The following PTCHD1 variants were observed in gnomAD, a reference collection of about 807,000 sequenced individuals.
PTCHD1 encodes patched domain containing 1.
A neutral mutation model predicts 34.6 loss-of-function variants in PTCHD1; 3 were observed. The observed-to-expected ratio is 0.09, with a 90% CI of 0.04 to 0.22. The LOEUF (loss-of-function observed/expected upper bound fraction) is 0.22. Among genes scored for constraint, PTCHD1 ranks in the 10% least tolerant of loss-of-function variants. The pLI is 1.00. For synonymous variants in PTCHD1, 305 were observed against 283.1 expected (o/e 1.08, Z -0.77); for missense variants, 504 against 685.5 (o/e 0.74, Z 2.96).
Position 23,403,900 on chromosome X carries a change from C to G in PTCHD1, c.*9715C>G, listed in dbSNP as rs1439147885. 1 of 111,556 alleles carries G rather than the reference C, an allele frequency of 9.0e-6. No individual in the cohort carries two copies. The highest frequency in any genetic ancestry group is 1.9e-5 in the Non-Finnish European group (1 of 53,074). The allele number at this position is 111,556 out of a possible 1,213,427, so 9.2% of individuals were successfully genotyped here. A position where few individuals can be genotyped will look rare whatever the true frequency, so the allele number is the denominator to read the frequency against. ...CCAACTCTTTCAGGAAAAAAAAAAT[C>G]CGGTATTTTGTACTACTTGAGTTTC... On this transcript the variant is annotated 3_prime_UTR_variant, in exon 3 of 3. Coordinates refer to ENST00000379361, the MANE Select transcript of PTCHD1 (RefSeq NM_173495.3).
chrX:23,359,324 T>C (rs751130936), intron 1 of PTCHD1, among the ~76,000 whole-genome samples: 2 of 112,306 alleles, frequency 1.8e-5, no homozygotes, highest in East Asian at 2.8e-4. Context: ...TTTATTTCAT[T>C]GAGCAGTGGT....
At chrX:23,381,574 C>T (rs1284749553) in intron 2 of PTCHD1, among the ~76,000 whole-genome samples, 1 of 111,795 alleles carries the variant, frequency 8.9e-6, no homozygotes, top group Admixed American at 9.4e-5. Flanking sequence ...TGTGAGCACA[C>T]GATAAGCGGG....
At position 23,362,519 on chromosome X, in the gene PTCHD1, C is replaced by G. The variant is rs1016265356; in HGVS notation, c.352-17072C>G. On this transcript the variant is annotated intron_variant, in intron 1 of 2. Coordinates refer to ENST00000379361, the MANE Select transcript of PTCHD1 (RefSeq NM_173495.3). ...CTCTACACTGTTTATTCTAGTTAAC[C>G]ATTCATCTAATCTTTTTTCAATGTT... Among the ~76,000 whole-genome samples, 3 of 111,968 alleles carry G rather than the reference C, an allele frequency of 2.7e-5. No homozygotes were observed. In the East Asian group the frequency reaches 8.4e-4, roughly 31 times the overall value.
At chrX:23,387,567 C>A (rs1480077853) in intron 2 of PTCHD1, among the ~76,000 whole-genome samples, 1 of 111,877 alleles carries the variant, frequency 8.9e-6, no homozygotes, top group African/African-American at 3.2e-5. Flanking sequence ...CCAAAGTGTA[C>A]TGCAAATAAA....
intron 1 of PTCHD1, among the ~76,000 whole-genome samples, chrX:23,365,350 G>A (rs749836850): frequency 9.0e-6 from 1 of 111,434 alleles, no homozygotes; most frequent in African/African-American, 3.3e-5. Context: ...TTAGTGTTTT[G>A]AGGACACTAG....
chrX:23,358,140 G>C (rs193094782), intron 1 of PTCHD1, among the ~76,000 whole-genome samples: 33 of 111,821 alleles, frequency 3.0e-4, no homozygotes, highest in African/African-American at 1.1e-3. Flanking sequence ...TGTCTTTATA[G>C]TAGCATGATT....
In PTCHD1 at chrX:23,392,640, C is replaced by A; in HGVS notation, c.1122C>A (p.Ser374=). Residue 374 remains serine, a synonymous_variant, in exon 3 of 3, where the codon TCC becomes TCA. Transcript: ENST00000379361. ...TAAVYADSML[S]FSLTTAMYLV... ...CAGTCTATGCAGACTCCATGCTCTC[C>A]TTTTCTCTCACCACTGCCATGTACC... is the stretch of plus-strand genomic sequence containing the variant. 1 of 1,210,991 alleles carries A rather than the reference C, an allele frequency of 8.3e-7. No homozygotes were observed. The highest frequency in any genetic ancestry group is 1.7e-5 in the African/African-American group (1 of 57,888).
chrX:23,340,545 T>C (rs1209919255), intron 1 of PTCHD1, among the ~76,000 whole-genome samples: 1 of 112,397 alleles, frequency 8.9e-6, no homozygotes, highest in African/African-American at 3.2e-5. Flanking sequence ...TCTGACAGTG[T>C]GTAAGACCCC....
In PTCHD1 at chrX:23,403,902, G is replaced by A. The variant is rs929823859; in HGVS notation, c.*9717G>A. Reference sequence around the variant, plus strand: ...AACTCTTTCAGGAAAAAAAAAATCCGGTATTTTGTACTACTTGAGTTTCTC... The same window carrying A: ...AACTCTTTCAGGAAAAAAAAAATCCAGTATTTTGTACTACTTGAGTTTCTC... On this transcript the variant is annotated 3_prime_UTR_variant, in exon 3 of 3. Transcript: ENST00000379361. 8 of 111,512 alleles carry A rather than the reference G, an allele frequency of 7.2e-5. No homozygotes were observed. The highest frequency in any genetic ancestry group is 1.1e-4 in the Non-Finnish European group (6 of 53,082). 9.2% of individuals were successfully genotyped at this position (111,512 alleles called of 1,213,427 possible). A position where few individuals can be genotyped will look rare whatever the true frequency, so the allele number is the denominator to read the frequency against.
At chrX:23,353,810 A>C (rs934373875) in intron 1 of PTCHD1, among the ~76,000 whole-genome samples, 1 of 111,824 alleles carries the variant, frequency 8.9e-6, no homozygotes, top group African/African-American at 3.2e-5. Context: ...GAAAGCAAAA[A>C]AAGCTAAGTT....
At position 23,392,766 on chromosome X, in the gene PTCHD1, T is replaced by C. The variant is rs201321649; in HGVS notation, c.1248T>C (p.Tyr416=). 2.5e-6 allele frequency: 3 copies of C among 1,211,384 alleles called. No individual in the cohort carries two copies. Among genetic ancestry groups the C allele is most frequent in the Admixed American group, 4.3e-5 (2 of 46,072 alleles). Residue 416 remains tyrosine (Y), a synonymous_variant, in exon 3 of 3, where the codon TAT becomes TAC. Transcript: ENST00000379361. ...TTGCAATCTTCTTCAACTACCTCTATGTACTCTCGTTTTATGGTTCCAGCC... is the reference window on the plus strand; with the variant it reads ...TTGCAATCTTCTTCAACTACCTCTACGTACTCTCGTTTTATGGTTCCAGCC... ...SCIAIFFNYL[Y]VLSFYGSSLV...
intron 1 of PTCHD1, among the ~76,000 whole-genome samples, chrX:23,356,079 C>T (rs1569134877): frequency 8.9e-6 from 1 of 111,794 alleles, no homozygotes; most frequent in Non-Finnish European, 1.9e-5. Context: ...TTAGCTAGTA[C>T]TTTTGCTTAA....
intron 1 of PTCHD1, among the ~76,000 whole-genome samples, chrX:23,370,534 A>T (rs1227741692): frequency 8.9e-6 from 1 of 111,741 alleles, no homozygotes; most frequent in African/African-American, 3.3e-5. Context: ...GTCCTATAAT[A>T]CGTTATTTTA....
chrX:23,382,323 A>G (rs2146643909), intron 2 of PTCHD1, among the ~76,000 whole-genome samples: 1 of 113,063 alleles, frequency 8.8e-6, no homozygotes, highest in Admixed American at 9.3e-5. Flanking sequence ...TCGTTTCACT[A>G]AAAAATGAAA....
At chrX:23,362,647 C>G (rs187029953) in intron 1 of PTCHD1, among the ~76,000 whole-genome samples, 327 of 112,199 alleles carry the variant, frequency 2.9e-3, no homozygotes, top group African/African-American at 9.8e-3. Flanking sequence ...CAAAGTTGTT[C>G]TCCGTCCAGC....
chrX:23,352,798 G>A (rs1921676168), intron 1 of PTCHD1, among the ~76,000 whole-genome samples: 1 of 112,216 alleles, frequency 8.9e-6, no homozygotes, highest in Non-Finnish European at 1.9e-5. Flanking sequence ...GATTGGCAGC[G>A]TCAGTAGCAC....
intron 1 of PTCHD1, among the ~76,000 whole-genome samples, chrX:23,364,414 A>ACC (rs1491048451): frequency 4.0e-5 from 4 of 100,094 alleles, no homozygotes; most frequent in South Asian, 4.5e-4. Context: ...ACACACACAC[A>ACC]CCGTATTCAG....
intron 1 of PTCHD1, among the ~76,000 whole-genome samples, chrX:23,359,428 C>A (rs1174453431): frequency 2.7e-5 from 3 of 111,879 alleles, no homozygotes; most frequent in African/African-American, 9.8e-5. Flanking sequence ...TGGGAGTTCA[C>A]TCATGATTTG....
intron 1 of PTCHD1, among the ~76,000 whole-genome samples, chrX:23,372,027 G>T (rs1487416044): frequency 9.0e-6 from 1 of 111,092 alleles, no homozygotes; most frequent in Non-Finnish European, 1.9e-5. Flanking sequence ...AAATGTAGAG[G>T]TGGACCAAAC....
Sources: allele counts gnomAD v4.1 joint callset (sites outside exome capture counted in the v4.1 genomes callset), GRCh38; gene constraint gnomAD v4.1.1; transcripts MANE v1.5; gene names NCBI Gene and HGNC (gene_info 2026-07-23, HGNC 2026-07-21).